NCAM2: variants seen among roughly 807,000 people sequenced by gnomAD.
NCAM2 encodes neural cell adhesion molecule 2, also known as N-CAM-2.
A neutral mutation model predicts 98.1 loss-of-function variants in NCAM2; 30 were observed. The observed-to-expected ratio is 0.31, with a 90% confidence interval of 0.23 to 0.41. The LOEUF (loss-of-function observed/expected upper bound fraction) is 0.41. Ranked by LOEUF, NCAM2 falls within the 10% of genes least tolerant of loss-of-function variation. The pLI, the probability that NCAM2 is intolerant of heterozygous loss-of-function variation, is 1.00. For missense variants in NCAM2, 867 were observed against 1,005.8 expected (o/e 0.86, Z 1.87); for synonymous variants, 368 against 342.4 (o/e 1.07, Z -0.83).
intron 11 of NCAM2, among the ~76,000 whole-genome samples, chr21:21,431,332 T>C (rs1227251060): frequency 6.6e-6 from 1 of 151,084 alleles, no homozygotes; most frequent in African/African-American, 2.4e-5. Context: ...TTTTTTTTTT[T>C]CTAGTTCTGC....
intron 1 of NCAM2, among the ~76,000 whole-genome samples, chr21:21,214,739 A>G (rs2069810433): frequency 1.0e-5 from 1 of 99,296 alleles, no homozygotes; most frequent in Admixed American, 1.2e-4. Context: ...ATATATATAT[A>G]TATATATACA....
chr21:21,116,096 A>T (rs2826660), intron 1 of NCAM2, among the ~76,000 whole-genome samples: 27 of 151,598 alleles, frequency 1.8e-4, no homozygotes, highest in Non-Finnish European at 4.0e-4. Flanking sequence ...ACATAGATGT[A>T]CAGTTCCAGA....
chr21:21,082,281 C>A (rs200327599), intron 1 of NCAM2, among the ~76,000 whole-genome samples: 731 of 127,138 alleles, frequency 5.7e-3, no homozygotes, highest in Non-Finnish European at 7.0e-3. Context: ...GAGCTCAAAA[C>A]AAAAAAAAAA....
intron 8 of NCAM2, among the ~76,000 whole-genome samples, chr21:21,359,850 C>A (rs1215131977): frequency 6.6e-6 from 1 of 151,772 alleles, no homozygotes; most frequent in African/African-American, 2.4e-5. Context: ...ACAAAAACAA[C>A]AAATTTCTAG....
chr21:21,147,380 G>A, intron 1 of NCAM2: 2 of 657,292 alleles, frequency 3.0e-6, no homozygotes, highest in Non-Finnish European at 3.8e-6. Flanking sequence ...GAAAATTTTG[G>A]AGTGACTCAG....
At chr21:21,190,809 A>T (rs2068796696) in intron 1 of NCAM2, among the ~76,000 whole-genome samples, 1 of 152,202 alleles carries the variant, frequency 6.6e-6, no homozygotes, top group African/African-American at 2.4e-5. Flanking sequence ...TAAGAATAGC[A>T]TGTACCTTAT....
At chr21:21,481,618 T>A (rs1834203727) in intron 15 of NCAM2, among the ~76,000 whole-genome samples, 1 of 152,088 alleles carries the variant, frequency 6.6e-6, no homozygotes, top group African/African-American at 2.4e-5. Flanking sequence ...TGTTAGAAGG[T>A]CTTTTATGAT....
intron 1 of NCAM2, among the ~76,000 whole-genome samples, chr21:21,134,869 A>G (rs1335431583): frequency 6.6e-6 from 1 of 151,954 alleles, no homozygotes; most frequent in Non-Finnish European, 1.5e-5. Flanking sequence ...ACGTGCCACC[A>G]CACCTGGCTA....
intron 9 of NCAM2, among the ~76,000 whole-genome samples, chr21:21,397,485 G>C (rs917353972): frequency 3.3e-5 from 5 of 152,150 alleles, no homozygotes; most frequent in Non-Finnish European, 1.5e-5. Flanking sequence ...AGGTAGCAGG[G>C]GTCTGGTGTG....
At chr21:21,097,770 C>T (rs1185627352) in intron 1 of NCAM2, among the ~76,000 whole-genome samples, 5 of 151,028 alleles carry the variant, frequency 3.3e-5, no homozygotes, top group African/African-American at 1.2e-4. Context: ...TTGTTTTATT[C>T]TAATCAAAAG....
At chr21:21,339,838 T>C (rs1489531434) in intron 8 of NCAM2, among the ~76,000 whole-genome samples, 1 of 151,882 alleles carries the variant, frequency 6.6e-6, no homozygotes, top group East Asian at 1.9e-4. Context: ...ATCATATATG[T>C]TACCCTTTTT....
At chr21:21,296,738 C>G (rs1201206838) in intron 5 of NCAM2, among the ~76,000 whole-genome samples, 1 of 151,560 alleles carries the variant, frequency 6.6e-6, no homozygotes, top group Admixed American at 6.6e-5. Context: ...GGAAGGCGTA[C>G]AATAAAACTA....
At chr21:21,141,597 T>C (rs1337652757) in intron 1 of NCAM2, among the ~76,000 whole-genome samples, 1 of 152,200 alleles carries the variant, frequency 6.6e-6, no homozygotes, top group Non-Finnish European at 1.5e-5. Flanking sequence ...GACAGTTAGA[T>C]ATGAGAGCAT....
chr21:21,390,688 T>C (rs977229128), intron 9 of NCAM2, among the ~76,000 whole-genome samples: 3 of 152,202 alleles, frequency 2.0e-5, no homozygotes, highest in African/African-American at 7.2e-5. Flanking sequence ...TATTTTTCTT[T>C]ATTCAAATCA....
intron 12 of NCAM2, among the ~76,000 whole-genome samples, chr21:21,450,874 T>G (rs1488143718): frequency 6.6e-6 from 1 of 151,574 alleles, no homozygotes; most frequent in Non-Finnish European, 1.5e-5. Context: ...TTGTCTTTAA[T>G]GTTAGAATAC....
chr21:20,998,645 T>TA (rs1484051511), intron 1 of NCAM2, 27 bp downstream of exon 1: 1 of 1,609,738 alleles, frequency 6.2e-7, no homozygotes, highest in East Asian at 2.2e-5. Context: ...TTATTGCATT[T>TA]ACTTTCCCTC....
intron 15 of NCAM2, among the ~76,000 whole-genome samples, chr21:21,494,674 A>T (rs1987089248): frequency 6.6e-6 from 1 of 151,958 alleles, no homozygotes; most frequent in African/African-American, 2.4e-5. Flanking sequence ...AAGATATTTT[A>T]TATGTGCCAA....
chr21:21,036,679 C>CAAT (rs1408368679), intron 1 of NCAM2, among the ~76,000 whole-genome samples: 1 of 152,078 alleles, frequency 6.6e-6, no homozygotes, highest in Non-Finnish European at 1.5e-5. Flanking sequence ...AGCCAAAGAA[C>CAAT]AATGGCCTTG....
At chr21:21,173,985 G>A (rs557194832) in intron 1 of NCAM2, among the ~76,000 whole-genome samples, 5 of 152,130 alleles carry the variant, frequency 3.3e-5, no homozygotes, top group African/African-American at 9.6e-5. Context: ...GTGCAGTGGC[G>A]CAATCTCAGC....
Sources: gnomAD v4.1 joint callset for allele counts (sites outside exome capture counted in the v4.1 genomes callset) on GRCh38, gnomAD v4.1.1 for gene constraint, MANE v1.5 for transcripts, NCBI Gene and HGNC (gene_info 2026-07-23, HGNC 2026-07-21) for gene names.